The following CAPN15 variants were observed in gnomAD, a reference collection of about 807,000 sequenced individuals.
CAPN15 encodes the protein calpain-15.
Under a neutral mutation model 97.9 loss-of-function variants are expected in CAPN15, and 53 were observed. The observed-to-expected ratio is 0.54, with a 90% CI of 0.43 to 0.68. The LOEUF (loss-of-function observed/expected upper bound fraction) is 0.68. Among genes scored for constraint, CAPN15 ranks in the 30% least tolerant of loss-of-function variants. The pLI is 0.00. For missense variants in CAPN15, 1,592 were observed against 1,589.8 expected (o/e 1.00, Z -0.02); for synonymous variants, 922 against 722.5 (o/e 1.28, Z -4.43).
intron 3 of CAPN15, chr16:543,464 G>T (rs1344392134): frequency 6.6e-6 from 1 of 152,516 alleles, no homozygotes; most frequent in East Asian, 1.9e-4. Context: ...GACCTGGCCT[G>T]CGGGGTCAGG....
chr16:552,313 C>G lies in CAPN15; in HGVS notation c.2520C>G (p.Ala840=), dbSNP rs9930550. 2 of 1,564,692 alleles carry G rather than the reference C, an allele frequency of 1.3e-6. No individual in the cohort carries two copies. Among genetic ancestry groups the G allele is most frequent in the Non-Finnish European group, 1.7e-6 (2 of 1,160,400 alleles). The change falls in exon 11 of 14, where the codon GCC becomes GCG. Residue 840 remains alanine (A), a synonymous_variant. Coordinates refer to ENST00000219611, the MANE Select transcript of CAPN15 (RefSeq NM_005632.3). This position sits in a 1 kb window ranked among gnomAD's most constrained non-coding sequence, Gnocchi z 6.4. The part of the protein sequence containing the change: ...LFQEGSRRSD[A]VDSHLLDLCI... ...GTGTCTGGCGCAGGCGCTCGGACGCCGTGGACAGCCACCTGCTGGACCTGT... is the reference window on the plus strand; with the variant it reads ...GTGTCTGGCGCAGGCGCTCGGACGCGGTGGACAGCCACCTGCTGGACCTGT...
intron 1 of CAPN15, among the ~76,000 whole-genome samples, chr16:530,937 A>G (rs896033411): frequency 1.3e-5 from 2 of 152,234 alleles, no homozygotes; most frequent in Non-Finnish European, 2.9e-5. Flanking sequence ...CATGGGCATC[A>G]GCCTCGCCAT....
Position 534,317 on chromosome 16 carries a change from G to T in CAPN15, c.-137+319G>T, listed in dbSNP as rs541674643. On this transcript the variant is annotated intron_variant, in intron 2 of 13. Coordinates refer to ENST00000219611, the MANE Select transcript of CAPN15 (RefSeq NM_005632.3). ...TCCCCATCCCCACGGCAGCGCTGGG[G>T]CTGGGGCTGGTGAGGAGCCTGTGCA... 3.0e-3 allele frequency among the ~76,000 whole-genome samples: 320 copies of T among 106,464 alleles called. 3 individuals carry two copies. The highest frequency in any genetic ancestry group is 0.029 in the Admixed American group (299 of 10,366). The allele number at this position is 106,464 out of a possible 152,430, so 69.8% of individuals were successfully genotyped here. A position where few individuals can be genotyped will look rare whatever the true frequency, so the allele number is the denominator to read the frequency against.
rs769703560 is a variant in CAPN15, at chr16:551,587, G to T, written c.2268G>T (p.Pro756=). ...GGTCCGACGAGTGGCCACACTGGCCGGGGCACCTGCGTGGCGAGCTCATGC... is the reference window on the plus strand; with the variant it reads ...GGTCCGACGAGTGGCCACACTGGCCTGGGCACCTGCGTGGCGAGCTCATGC... ...GSWSDEWPHW[P]GHLRGELMPH... Residue 756 remains proline (P), a synonymous_variant, in exon 9 of 14, where the codon CCG becomes CCT. Transcript: ENST00000219611. The T allele has an allele frequency of 6.8e-6, 11 of 1,610,232 alleles. No homozygotes were observed. The South Asian group carries it at 1.1e-4, about 16-fold the overall frequency.
At position 547,941 on chromosome 16, in the gene CAPN15, TG is replaced by T. The variant is rs1424454516; in HGVS notation, c.1104del (p.His369ThrfsTer83). ...TGCTCGGCCTGCGGCTGCTCCAAACTGCACGGCTTCCAGGAGCATGGCGAGC... is the reference window on the plus strand; with the variant it reads ...TGCTCGGCCTGCGGCTGCTCCAAACTCACGGCTTCCAGGAGCATGGCGAGC... ...PRCSACGCSK[L>X]HGFQEHGEPP... On this transcript the variant is annotated frameshift_variant, in exon 4 of 14. Coordinates refer to ENST00000219611, the MANE Select transcript of CAPN15 (RefSeq NM_005632.3). LOFTEE classifies it high-confidence loss of function. The T allele has an allele frequency of 6.2e-7, 1 of 1,600,798 alleles. No individual in the cohort carries two copies. Among genetic ancestry groups the T allele is most frequent in the Non-Finnish European group, 8.5e-7 (1 of 1,174,740 alleles).
At position 547,296 on chromosome 16, in the gene CAPN15, C is replaced by T; in HGVS notation, c.458C>T (p.Thr153Met). The T allele has an allele frequency of 2.6e-6, 4 of 1,516,942 alleles. No homozygotes were observed. The highest frequency in any genetic ancestry group is 2.6e-6 in the Non-Finnish European group (3 of 1,136,706). 94.0% of individuals were successfully genotyped at this position (1,516,942 alleles called of 1,614,324 possible). A position where few individuals can be genotyped will look rare whatever the true frequency, so the allele number is the denominator to read the frequency against. ...GGGGGCTGGGCGTGTCCGCGTTGCACGCTGCACAACACGCCCGTGGCCAGC... is the reference window on the plus strand; with the variant it reads ...GGGGGCTGGGCGTGTCCGCGTTGCATGCTGCACAACACGCCCGTGGCCAGC... ...PRGGWACPRC[T>M]LHNTPVASSC... Residue 153 changes from threonine to methionine, a missense_variant, in exon 4 of 14, where the codon ACG (threonine) becomes ATG (methionine). By Grantham distance (81) the Thr-to-Met change is moderately conservative (BLOSUM62 -1). This residue lies in a region of CAPN15 where 883 missense variants were observed against 776.6 expected (regional missense o/e 1.14). Coordinates refer to ENST00000219611, the MANE Select transcript of CAPN15 (RefSeq NM_005632.3).
chr16:549,131 A>G lies in CAPN15; in HGVS notation c.1588A>G (p.Arg530Gly). The G allele has an allele frequency of 6.2e-7, 1 of 1,611,044 alleles. No homozygotes were observed. Among genetic ancestry groups the G allele is most frequent in the Non-Finnish European group, 8.5e-7 (1 of 1,179,760 alleles). The part of the protein sequence containing the change: ...EINCSVFRDH[R>G]ATWSVFHTLR... ...CAACTGCTCCGTCTTCAGGGACCAC[A>G]GGGCCACGTGGTCTGTGTTCCACAC... Residue 530 changes from arginine to glycine, a missense_variant, in exon 5 of 14, where the codon AGG (arginine) becomes GGG (glycine). Arg to Gly is a moderately radical substitution (Grantham distance 125, BLOSUM62 -2). Transcript: ENST00000219611.
intron 3 of CAPN15, among the ~76,000 whole-genome samples, chr16:544,999 C>G (rs1260467589): frequency 6.7e-6 from 1 of 148,640 alleles, no homozygotes; most frequent in Non-Finnish European, 1.5e-5. Context: ...GCTGCGACTT[C>G]AGGAGCGTTC....
At chr16:540,201 C>T (rs989810738) in intron 3 of CAPN15, 23 of 985,366 alleles carry the variant, frequency 2.3e-5, no homozygotes, top group Admixed American at 1.8e-4. Flanking sequence ...TGGGGAGCTC[C>T]GCCTCCTCCC....
chr16:549,501 G>A lies in CAPN15; in HGVS notation c.1842+30G>A, dbSNP rs575525582. ...GGCGGCCTGCAGGGTGGGCACGGGC[G>A]GCAGGGGCAGCCTCTGACCCCAGCC... On this transcript the variant is annotated intron_variant, in intron 6 of 13. Coordinates refer to ENST00000219611, the MANE Select transcript of CAPN15 (RefSeq NM_005632.3). 75 of 1,557,184 alleles carry A rather than the reference G, an allele frequency of 4.8e-5. No homozygotes were observed. The East Asian group carries it at 1.2e-3, about 24-fold the overall frequency.
chr16:551,253 TCC>T (rs1236254750), intron 7 of CAPN15, 47 bp from the exon 8 acceptor site: 2 of 1,495,526 alleles, frequency 1.3e-6, no homozygotes, highest in African/African-American at 3.4e-5. Flanking sequence ...TCGGTGAGGG[TCC>T]CCTGTCGGTG....
chr16:536,016 C>T lies in CAPN15; in HGVS notation c.-136-13C>T, dbSNP rs1035969674. The T allele has an allele frequency of 7.7e-6, 2 of 260,758 alleles. No individual in the cohort carries two copies. Among genetic ancestry groups the T allele is most frequent in the Non-Finnish European group, 1.1e-5 (2 of 186,398 alleles). 16.2% of individuals were successfully genotyped at this position (260,758 alleles called of 1,614,324 possible). On this transcript the variant is annotated splice_polypyrimidine_tract_variant and intron_variant, in intron 2 of 13. Coordinates refer to ENST00000219611, the MANE Select transcript of CAPN15 (RefSeq NM_005632.3). ...GTGCCCCTGCACGCCCCCCCCCCCC[C>T]CCGGTTATTCAGACAGGGAGCCAGG...
intron 7 of CAPN15, 67 bp downstream of exon 7, chr16:549,905 G>T (rs2034869263): frequency 4.6e-6 from 6 of 1,299,906 alleles, no homozygotes; most frequent in Non-Finnish European, 6.5e-6. Context: ...GGTGGGAGAT[G>T]TGGGGCTGGT....
intron 3 of CAPN15, among the ~76,000 whole-genome samples, chr16:545,833 C>A (rs894133734): frequency 3.9e-5 from 6 of 152,238 alleles, no homozygotes; most frequent in Non-Finnish European, 8.8e-5. Context: ...CTGTGCCACC[C>A]ACAGGGGCCC....
chr16:532,337 T>C (rs1201283753), intron 1 of CAPN15, among the ~76,000 whole-genome samples: 2 of 150,368 alleles, frequency 1.3e-5, no homozygotes, highest in Non-Finnish European at 3.0e-5. Context: ...GTGAATCACA[T>C]GAGGTCAGGA....
chr16:547,639 C>T lies in CAPN15; in HGVS notation c.801C>T (p.Pro267=), dbSNP rs756013968. 1.9e-6 allele frequency: 3 copies of T among 1,569,586 alleles called. No individual in the cohort carries two copies. The highest frequency in any genetic ancestry group is 1.1e-5 in the South Asian group (1 of 87,490). The change falls in exon 4 of 14, where the codon CCC becomes CCT. Residue 267 remains proline, a synonymous_variant. Coordinates refer to ENST00000219611, the MANE Select transcript of CAPN15 (RefSeq NM_005632.3). ...TGCCTGAGGCTGCCCAGCCGTCACCCTCTGCCGGCTGCAGGGGAGCCCCCC... is the reference window on the plus strand; with the variant it reads ...TGCCTGAGGCTGCCCAGCCGTCACCTTCTGCCGGCTGCAGGGGAGCCCCCC... ...PPVPEAAQPS[P]SAGCRGAPQG...
Position 552,819 on chromosome 16 carries a change from C to T in CAPN15, c.2905-44C>T. 1 of 1,153,398 alleles carries T rather than the reference C, an allele frequency of 8.7e-7. No individual in the cohort carries two copies. Among genetic ancestry groups the T allele is most frequent in the East Asian group, 3.6e-5 (1 of 27,700 alleles). The allele number at this position is 1,153,398 out of a possible 1,614,324, so 71.4% of individuals were successfully genotyped here. On this transcript the variant is annotated intron_variant, in intron 12 of 13. Coordinates refer to ENST00000219611, the MANE Select transcript of CAPN15 (RefSeq NM_005632.3). This position sits in a 1 kb window ranked among gnomAD's most constrained non-coding sequence, Gnocchi z 6.4. ...GGTGGCGTGGGGCAGGGGGAGTATG[C>T]CCCAGCACCTCCCCTGCCCCACAAC... is the stretch of plus-strand genomic sequence containing the variant.
chr16:552,490 C>T lies in CAPN15; in HGVS notation c.2697C>T (p.Asn899=), dbSNP rs2035161905. ...ACGCTGTGGTGTGCTGCGCCTTCAA[C>T]CACTGGGGGCCGCCCCTGCCGGGCA... ...GEYAVVCCAF[N]HWGPPLPGTP... is the part of the protein sequence containing the mutation. The change falls in exon 11 of 14, where the codon AAC becomes AAT. Residue 899 remains asparagine, a synonymous_variant. Coordinates refer to ENST00000219611, the MANE Select transcript of CAPN15 (RefSeq NM_005632.3). The surrounding 1 kb of genome is among the most constrained non-coding windows in gnomAD (Gnocchi z 6.4). 5.0e-6 allele frequency: 8 copies of T among 1,607,272 alleles called. No individual in the cohort carries two copies. Among genetic ancestry groups the T allele is most frequent in the Non-Finnish European group, 6.8e-6 (8 of 1,179,372 alleles).
In CAPN15 at chr16:552,713, C is replaced by T. The variant is rs1479151424; in HGVS notation, c.2846C>T (p.Pro949Leu). The change falls in exon 12 of 14, where the codon CCG becomes CTG. Residue 949 changes from proline (P) to leucine (L), a missense_variant. Pro to Leu is a moderately conservative substitution (Grantham distance 98). Transcript: ENST00000219611. This position sits in a 1 kb window ranked among gnomAD's most constrained non-coding sequence, Gnocchi z 6.4. ...LVMVEPVEAQ[P>L]TTLADAIILL... ...ATGGTGGAGCCCGTGGAAGCCCAGC[C>T]GACCACGCTGGCCGACGCCATCATC... The T allele has an allele frequency of 7.1e-6, 11 of 1,544,420 alleles. No individual in the cohort carries two copies. The highest frequency in any genetic ancestry group is 2.0e-5 in the Admixed American group (1 of 50,932).
Sources: allele counts gnomAD v4.1 joint callset (sites outside exome capture counted in the v4.1 genomes callset), GRCh38; gene constraint gnomAD v4.1.1; regional missense constraint gnomAD v4.1.1; non-coding constraint Gnocchi (gnomAD v3.1); transcripts MANE v1.5; gene names NCBI Gene and HGNC (gene_info 2026-07-23, HGNC 2026-07-21).